The following CLECL1 variants were observed in gnomAD, a reference collection of about 807,000 sequenced individuals.
The protein encoded by CLECL1 is C-type lectin like 1, also known as C-type lectin-like domain family 1.
upstream of CLECL1, among the ~76,000 whole-genome samples, chr12:9,734,323 T>C (rs541238936): frequency 6.6e-6 from 1 of 152,358 alleles, no homozygotes; most frequent in South Asian, 2.1e-4. Flanking sequence ...CTCTGTCTCT[T>C]AAGACTGCAT....
chr12:9,719,474 C>T (rs748524018), downstream of CLECL1, among the ~76,000 whole-genome samples: 10 of 152,228 alleles, frequency 6.6e-5, no homozygotes, highest in South Asian at 6.2e-4. Context: ...TGCAGTGAGC[C>T]GAGATTGCAT....
At chr12:9,711,184 C>T (rs1866197448), downstream of CLECL1, among the ~76,000 whole-genome samples, 1 of 152,172 alleles carries the variant, frequency 6.6e-6, no homozygotes, top group Non-Finnish European at 1.5e-5. Flanking sequence ...GAGGTTTGAG[C>T]AGGGAGGCAC....
chr12:9,727,526 T>G (rs1227305454), intron 3 of CLECL1, among the ~76,000 whole-genome samples: 1 of 151,780 alleles, frequency 6.6e-6, no homozygotes, highest in East Asian at 1.9e-4. Flanking sequence ...CTATTCATGC[T>G]TGGTTACTCA....
the CLECL1 span, among the ~76,000 whole-genome samples, chr12:9,709,767 A>G: frequency 6.6e-6 from 1 of 152,176 alleles, no homozygotes; most frequent in Admixed American, 6.5e-5. Flanking sequence ...ACACACTTTC[A>G]GGTGTGCATA....
the CLECL1 span, among the ~76,000 whole-genome samples, chr12:9,703,335 T>C: frequency 6.6e-6 from 1 of 152,032 alleles, no homozygotes; most frequent in African/African-American, 2.4e-5. Flanking sequence ...TATTTATATA[T>C]ACACACATAC....
At chr12:9,722,927 A>G in intron 3 of CLECL1, 114 bp from the exon 2 acceptor site, 1 of 682,864 alleles carries the variant, frequency 1.5e-6, no homozygotes. Flanking sequence ...TTCTTTGAAA[A>G]AAGTATGTGC....
the CLECL1 span, among the ~76,000 whole-genome samples, chr12:9,702,755 A>C: frequency 6.6e-6 from 1 of 152,222 alleles, no homozygotes; most frequent in Non-Finnish European, 1.5e-5. Context: ...TTTAAAAAGA[A>C]AACTAATGAT....
At chr12:9,702,539 T>C in the CLECL1 span, among the ~76,000 whole-genome samples, 1 of 152,176 alleles carries the variant, frequency 6.6e-6, no homozygotes, top group Non-Finnish European at 1.5e-5. Flanking sequence ...TGGTCTGTGA[T>C]CCCAGGCTTG....
At chr12:9,726,806 A>C (rs192425553) in intron 3 of CLECL1, among the ~76,000 whole-genome samples, 1 of 151,960 alleles carries the variant, frequency 6.6e-6, no homozygotes, top group African/African-American at 2.4e-5. Context: ...GATTACAAGA[A>C]AGTGTTTTTG....
At chr12:9,732,822 G>T in intron 1 of CLECL1, 127 bp downstream of exon 1, 1 of 713,810 alleles carries the variant, frequency 1.4e-6, no homozygotes, top group Non-Finnish European at 2.2e-6. Context: ...CTTATTCTTA[G>T]CATTCAATGA....
the CLECL1 span, among the ~76,000 whole-genome samples, chr12:9,705,040 C>G: frequency 6.6e-6 from 1 of 152,112 alleles, no homozygotes; most frequent in Non-Finnish European, 1.5e-5. Flanking sequence ...AACGTAAAAG[C>G]ATTCCTTTTT....
the CLECL1 span, among the ~76,000 whole-genome samples, chr12:9,707,870 G>T: frequency 6.6e-6 from 1 of 152,146 alleles, no homozygotes; most frequent in Non-Finnish European, 1.5e-5. Context: ...TTTGTTACAG[G>T]CTGCAGCAAT....
intron 1 of CLECL1, among the ~76,000 whole-genome samples, chr12:9,731,174 C>T (rs1311628796): frequency 6.6e-6 from 1 of 152,346 alleles, no homozygotes; most frequent in Non-Finnish European, 1.5e-5. Flanking sequence ...TCACTGATGT[C>T]CTGCTAAGCT....
chr12:9,713,448 T>C (rs1233541979), downstream of CLECL1, among the ~76,000 whole-genome samples: 1 of 152,216 alleles, frequency 6.6e-6, no homozygotes. Context: ...ACAAATGAAA[T>C]CTGGTTTAGG....
chr12:9,721,231 A>G (rs1281276733), downstream of CLECL1, among the ~76,000 whole-genome samples: 1 of 148,570 alleles, frequency 6.7e-6, no homozygotes, highest in East Asian at 1.9e-4. Context: ...TTTTTTTTCC[A>G]TTTTAACTTT....
intron 3 of CLECL1, among the ~76,000 whole-genome samples, chr12:9,724,483 A>T (rs1364935475): frequency 6.6e-6 from 1 of 152,190 alleles, no homozygotes; most frequent in Non-Finnish European, 1.5e-5. Context: ...CTTTCAAACG[A>T]TGAAAAAATA....
chr12:9,719,733 A>G (rs1334064322), downstream of CLECL1, among the ~76,000 whole-genome samples: 1 of 152,178 alleles, frequency 6.6e-6, no homozygotes, highest in Non-Finnish European at 1.5e-5. Flanking sequence ...CTGTCTCTAA[A>G]AATACAACCA....
the CLECL1 span, among the ~76,000 whole-genome samples, chr12:9,705,854 T>C: frequency 6.6e-6 from 1 of 152,240 alleles, no homozygotes; most frequent in African/African-American, 2.4e-5. Flanking sequence ...TTTGCTGTTT[T>C]TGCTTAATAT....
At chr12:9,713,578 G>A (rs1297970409), downstream of CLECL1, among the ~76,000 whole-genome samples, 2 of 152,190 alleles carry the variant, frequency 1.3e-5, no homozygotes, top group East Asian at 1.9e-4. Context: ...AACAATATGA[G>A]AGGGTCTCTC....
Sources: gnomAD v4.1 joint callset for allele counts (sites outside exome capture counted in the v4.1 genomes callset) on GRCh38, gnomAD v4.1.1 for gene constraint, MANE v1.5 for transcripts, NCBI Gene and HGNC (gene_info 2026-07-23, HGNC 2026-07-21) for gene names.